Variants in ANKRD12 observed in about 807,000 individuals in gnomAD.
The protein encoded by ANKRD12 is ankyrin repeat domain 12, also known as ankyrin repeat domain-containing protein 12.
Under a neutral mutation model 183.4 loss-of-function variants are expected in ANKRD12, and 85 were observed. The ratio of observed to expected loss-of-function variants is 0.46; its 90% CI spans 0.39 to 0.56. The LOEUF is 0.56. Ranked by LOEUF, ANKRD12 falls within the 20% of genes least tolerant of loss-of-function variation. ANKRD12 has a pLI of 0.00. For synonymous variants in ANKRD12, 914 were observed against 800.2 expected (o/e 1.14, Z -2.40); for missense variants, 2,405 against 2,357.1 (o/e 1.02, Z -0.42).
At chr18:9,263,074 G>A (rs959983010) in intron 9 of ANKRD12, among the ~76,000 whole-genome samples, 1 of 152,104 alleles carries the variant, frequency 6.6e-6, no homozygotes, top group African/African-American at 2.4e-5. Context: ...GGGATTACAG[G>A]TGTGGACCAC....
In ANKRD12 at chr18:9,176,119, G is replaced by A. The variant is rs186663273; in HGVS notation, c.-51-6263G>A. ...GCTGGTCTTGTTACTATAACTTAGC[G>A]TTAGTTTAGTGACATTGCTAAGATA... is the stretch of plus-strand genomic sequence containing the variant. On this transcript the variant is annotated intron_variant, in intron 1 of 12. Transcript: ENST00000262126. Among the ~76,000 whole-genome samples the A allele has an allele frequency of 5.9e-5, 9 of 152,272 alleles. No individual in the cohort carries two copies. The South Asian group carries it at 1.2e-3, about 21-fold the overall frequency.
Position 9,258,462 on chromosome 18 carries a change from C to T in ANKRD12, c.5195C>T (p.Pro1732Leu), listed in dbSNP as rs756983904. ...AEDDKTENQI[P>L]QRMTRNKANT... ...GATGATAAAACTGAAAACCAAATCC[C>T]TCAAAGAATGACTAGAAACAAAGCA... Residue 1732 changes from proline to leucine, a missense_variant, in exon 9 of 13, where the codon CCT (proline) becomes CTT (leucine). By Grantham distance (98) the Pro-to-Leu change is moderately conservative. Around this residue, in one of 7 missense-constraint regions of ANKRD12, gnomAD observed 1,983 missense variants for 1,725.9 expected, o/e 1.15. Coordinates refer to ENST00000262126, the MANE Select transcript of ANKRD12 (RefSeq NM_015208.5). 2.5e-6 allele frequency: 4 copies of T among 1,613,682 alleles called. No individual in the cohort carries two copies. Among genetic ancestry groups the T allele is most frequent in the African/African-American group, 2.7e-5 (2 of 75,002 alleles).
chr18:9,224,158 A>T (rs1388080691), intron 8 of ANKRD12, among the ~76,000 whole-genome samples: 1 of 152,232 alleles, frequency 6.6e-6, no homozygotes, highest in African/African-American at 2.4e-5. Flanking sequence ...CATAAACATC[A>T]CTGATGAGTA....
intron 1 of ANKRD12, among the ~76,000 whole-genome samples, chr18:9,167,193 A>G (rs913576560): frequency 5.9e-5 from 9 of 152,134 alleles, no homozygotes. Context: ...TTGACTTGGC[A>G]ATGCGGGCTC....
chr18:9,285,780 A>G lies in ANKRD12; in HGVS notation c.*4654A>G, dbSNP rs2040204647. Reference sequence around the variant, plus strand: ...TGTACCTAGCCTTGAACTTCATAGAAATAGAGTCATACATACTTCCTTGTC... The same window carrying G: ...TGTACCTAGCCTTGAACTTCATAGAGATAGAGTCATACATACTTCCTTGTC... On this transcript the variant is annotated 3_prime_UTR_variant, in exon 13 of 13. Transcript: ENST00000262126. 6.6e-6 allele frequency: 1 copy of G among 152,196 alleles called. No homozygotes were observed. Among genetic ancestry groups the G allele is most frequent in the East Asian group, 1.9e-4 (1 of 5,204 alleles). The allele number at this position is 152,196 out of a possible 1,614,324, so 9.4% of individuals were successfully genotyped here. A position where few individuals can be genotyped will look rare whatever the true frequency, so the allele number is the denominator to read the frequency against.
In ANKRD12 at chr18:9,221,833, CT is replaced by C; in HGVS notation, c.796-18del. 6.2e-7 allele frequency: 1 copy of C among 1,612,864 alleles called. No homozygotes were observed. Among genetic ancestry groups the C allele is most frequent in the Non-Finnish European group, 8.5e-7 (1 of 1,179,320 alleles). ...CAATCTGTGAAGGGACTAAGTCTTCCTGCTTTTTATTGTTGCAGATAGTAAA... is the reference window on the plus strand; with the variant it reads ...CAATCTGTGAAGGGACTAAGTCTTCCGCTTTTTATTGTTGCAGATAGTAAA... On this transcript the variant is annotated intron_variant, in intron 7 of 12. Coordinates refer to ENST00000262126, the MANE Select transcript of ANKRD12 (RefSeq NM_015208.5).
intron 1 of ANKRD12, among the ~76,000 whole-genome samples, chr18:9,177,040 A>G (rs1169455151): frequency 6.6e-6 from 1 of 152,248 alleles, no homozygotes; most frequent in Non-Finnish European, 1.5e-5. Context: ...CTTCGAAGGC[A>G]GAATAGAATC....
intron 3 of ANKRD12, among the ~76,000 whole-genome samples, chr18:9,203,601 ATAT>A (rs564268397): frequency 6.6e-6 from 1 of 151,672 alleles, no homozygotes; most frequent in African/African-American, 2.4e-5. Context: ...GTGTGTATAT[ATAT>A]TATTATTATT....
chr18:9,196,949 A>G (rs1255146215), intron 3 of ANKRD12, among the ~76,000 whole-genome samples: 1 of 152,032 alleles, frequency 6.6e-6, no homozygotes, highest in African/African-American at 2.4e-5. Flanking sequence ...GCTATTTCAG[A>G]TTGAACTCTT....
At chr18:9,187,030 G>A (rs546912334) in intron 2 of ANKRD12, among the ~76,000 whole-genome samples, 59 of 152,198 alleles carry the variant, frequency 3.9e-4, no homozygotes, top group African/African-American at 1.3e-3. Flanking sequence ...CAAAGTGCTG[G>A]GATTACAGGC....
At chr18:9,272,575 AAAAAG>A (rs1236160417) in intron 10 of ANKRD12, among the ~76,000 whole-genome samples, 4 of 152,124 alleles carry the variant, frequency 2.6e-5, no homozygotes, top group African/African-American at 7.2e-5. Context: ...AAAAAAAAGA[AAAAAG>A]AAAAAGTTAT....
intron 8 of ANKRD12, chr18:9,235,938 G>C (rs1384568759): frequency 5.0e-6 from 1 of 201,788 alleles, no homozygotes; most frequent in African/African-American, 2.3e-5. Context: ...ATAATATCTA[G>C]ATATTGAGGG....
At chr18:9,143,769 C>G (rs2078400975) in intron 1 of ANKRD12, among the ~76,000 whole-genome samples, 1 of 152,136 alleles carries the variant, frequency 6.6e-6, no homozygotes, top group Admixed American at 6.5e-5. Flanking sequence ...GGAGCATTCT[C>G]TTTAAGCTGC....
intron 1 of ANKRD12, among the ~76,000 whole-genome samples, chr18:9,148,475 A>G (rs2143508988): frequency 6.6e-6 from 1 of 152,350 alleles, no homozygotes; most frequent in African/African-American, 2.4e-5. Context: ...ACATCTCTTT[A>G]AAGTCTTGTA....
At chr18:9,186,877 G>A (rs1028192974) in intron 2 of ANKRD12, among the ~76,000 whole-genome samples, 2 of 149,646 alleles carry the variant, frequency 1.3e-5, no homozygotes, top group East Asian at 2.0e-4. Flanking sequence ...TCAGCCTCCC[G>A]AGTAGCTGGG....
rs563046631 is a variant in ANKRD12, at chr18:9,176,301, C to T, written c.-51-6081C>T. ...ATTTTTTTTTTGAGACTGGGTCTGG[C>T]TCTGTCACTCAGGTTGGAGTAGCTC... On this transcript the variant is annotated intron_variant, in intron 1 of 12. Transcript: ENST00000262126. Among the ~76,000 whole-genome samples the T allele has an allele frequency of 1.3e-4, 19 of 151,996 alleles. No homozygotes were observed. The South Asian group carries it at 3.7e-3, about 30-fold the overall frequency.
intron 1 of ANKRD12, among the ~76,000 whole-genome samples, chr18:9,165,039 T>C (rs1028781784): frequency 2.5e-4 from 38 of 152,300 alleles, no homozygotes; most frequent in African/African-American, 8.2e-4. Flanking sequence ...TCTAAGTCTC[T>C]TTGTAGGTCT....
chr18:9,182,387 G>C lies in ANKRD12; in HGVS notation c.-46G>C, dbSNP rs772603944. 7 of 1,296,670 alleles carry C rather than the reference G, an allele frequency of 5.4e-6. No homozygotes were observed. The highest frequency in any genetic ancestry group is 7.7e-6 in the Non-Finnish European group (7 of 905,896). 80.3% of individuals were successfully genotyped at this position (1,296,670 alleles called of 1,614,324 possible). On this transcript the variant is annotated 5_prime_UTR_variant, in exon 2 of 13. Transcript: ENST00000262126. ...TATATATCTATTCTTTACAGATCCA[G>C]GATGAGAAGACTGATAAAAGAAGAA...
At chr18:9,228,947 C>G (rs991072920) in intron 8 of ANKRD12, among the ~76,000 whole-genome samples, 3 of 151,492 alleles carry the variant, frequency 2.0e-5, no homozygotes, top group African/African-American at 7.3e-5. Flanking sequence ...TTTTGAGTCT[C>G]ACATTTAAGT....
Sources: gnomAD v4.1 joint callset for allele counts (sites outside exome capture counted in the v4.1 genomes callset) on GRCh38, gnomAD v4.1.1 for gene constraint, gnomAD v4.1.1 regional missense constraint, MANE v1.5 for transcripts, NCBI Gene and HGNC (gene_info 2026-07-23, HGNC 2026-07-21) for gene names.